Variants in DPYD observed in about 807,000 individuals in gnomAD.
DPYD encodes dihydropyrimidine dehydrogenase.
In DPYD, 109 loss-of-function variants were observed where a neutral mutation model predicts 116.2. The ratio of observed to expected loss-of-function variants is 0.94; its 90% CI spans 0.80 to 1.10. DPYD has a LOEUF of 1.10. DPYD is among the 50% of genes least tolerant of loss of function. DPYD has a pLI of 0.00. For missense variants in DPYD, 1,302 were observed against 1,254.5 expected (o/e 1.04, Z -0.57); for synonymous variants, 440 against 432.0 (o/e 1.02, Z -0.23).
chr1:97,856,331 T>C (rs1354579621), intron 2 of DPYD: 1 of 152,050 alleles, frequency 6.6e-6, no homozygotes. Flanking sequence ...TAGAGGAGAA[T>C]CTTCCCAAGG....
intron 3 of DPYD, among the ~76,000 whole-genome samples, chr1:97,781,659 C>G (rs1571347234): frequency 6.6e-6 from 1 of 152,084 alleles, no homozygotes; most frequent in African/African-American, 2.4e-5. Context: ...TGAGAGTATC[C>G]ATGAACACAC....
chr1:97,405,332 T>G (rs1673597494), intron 14 of DPYD, among the ~76,000 whole-genome samples: 1 of 152,074 alleles, frequency 6.6e-6, no homozygotes, highest in Non-Finnish European at 1.5e-5. Context: ...TAGTTTTCCT[T>G]CTCTTGAAAA....
chr1:97,913,685 G>T (rs769800522), intron 1 of DPYD, among the ~76,000 whole-genome samples: 2 of 152,090 alleles, frequency 1.3e-5, no homozygotes, highest in African/African-American at 2.4e-5. Flanking sequence ...CAGTCTTAAA[G>T]AATTTCATAA....
At chr1:97,905,239 A>G (rs1057320810) in intron 1 of DPYD, among the ~76,000 whole-genome samples, 6 of 152,046 alleles carry the variant, frequency 3.9e-5, no homozygotes, top group Non-Finnish European at 8.8e-5. Context: ...AAAATTATAC[A>G]GGACTAAAGA....
At chr1:97,501,900 T>C (rs1010549553) in intron 13 of DPYD, among the ~76,000 whole-genome samples, 3 of 152,068 alleles carry the variant, frequency 2.0e-5, no homozygotes, top group African/African-American at 7.2e-5. Flanking sequence ...ACATTAATTT[T>C]ACATAGAAAA....
At chr1:97,511,066 G>A (rs1351957910) in intron 13 of DPYD, among the ~76,000 whole-genome samples, 1 of 151,872 alleles carries the variant, frequency 6.6e-6, no homozygotes, top group South Asian at 2.1e-4. Context: ...AACTGTAAAT[G>A]CATGATTGAG....
chr1:97,426,880 T>C (rs1674897457), intron 14 of DPYD, among the ~76,000 whole-genome samples: 1 of 152,058 alleles, frequency 6.6e-6, no homozygotes, highest in South Asian at 2.1e-4. Context: ...TAGAGAATAT[T>C]AACCTTAAGC....
At chr1:97,148,010 G>C (rs1351320803) in intron 20 of DPYD, among the ~76,000 whole-genome samples, 1 of 152,080 alleles carries the variant, frequency 6.6e-6, no homozygotes, top group African/African-American at 2.4e-5. Context: ...TAAGTGCAAG[G>C]CAAACCAGAT....
intron 10 of DPYD, among the ~76,000 whole-genome samples, chr1:97,576,590 T>C (rs1251675112): frequency 6.6e-6 from 1 of 152,244 alleles, no homozygotes; most frequent in Non-Finnish European, 1.5e-5. Flanking sequence ...AATCACTGAA[T>C]GCCTAAGCAT....
chr1:97,707,657 C>T (rs1662054618), intron 5 of DPYD, among the ~76,000 whole-genome samples: 1 of 151,912 alleles, frequency 6.6e-6, no homozygotes, highest in South Asian at 2.1e-4. Flanking sequence ...TATAAGCCAT[C>T]CAGTTTATGG....
chr1:97,503,434 CT>C lies in DPYD; in HGVS notation c.1740+12291del, dbSNP rs542433381. On this transcript the variant is annotated intron_variant, in intron 13 of 22. Coordinates refer to ENST00000370192, the MANE Select transcript of DPYD (RefSeq NM_000110.4). ...GAATGAATCCACTCCTGGATTTTCA[CT>C]GCAGCCATGCTTCCTGTGGCTTAGC... Among the ~76,000 whole-genome samples, 630 of 152,132 alleles carry C rather than the reference CT, an allele frequency of 4.1e-3. 3 individuals carry two copies. Among genetic ancestry groups the C allele is most frequent in the Middle Eastern group, 0.02 (6 of 294 alleles).
intron 10 of DPYD, among the ~76,000 whole-genome samples, chr1:97,580,954 G>C (rs1653618254): frequency 6.6e-6 from 1 of 152,062 alleles, no homozygotes; most frequent in African/African-American, 2.4e-5. Context: ...GGGATAAAAA[G>C]TGTCATCAGA....
At position 97,590,627 on chromosome 1, in the gene DPYD, C is replaced by A. The variant is rs546053967; in HGVS notation, c.1128+2591G>T. Among the ~76,000 whole-genome samples the A allele has an allele frequency of 1.7e-3, 251 of 152,108 alleles. 1 individual carries two copies. The highest frequency in any genetic ancestry group is 5.9e-3 in the African/African-American group (246 of 41,510). On this transcript the variant is annotated intron_variant, in intron 10 of 22. Coordinates refer to ENST00000370192, the MANE Select transcript of DPYD (RefSeq NM_000110.4). Reference sequence around the variant, plus strand: ...CTTCTAGTTTTAATTAAGACCAGACCCATTTGAGTTCTACTAAGCTCTACT... The same window carrying A: ...CTTCTAGTTTTAATTAAGACCAGACACATTTGAGTTCTACTAAGCTCTACT...
intron 11 of DPYD, among the ~76,000 whole-genome samples, chr1:97,558,639 C>T (rs973722247): frequency 6.6e-6 from 1 of 151,934 alleles, no homozygotes; most frequent in Non-Finnish European, 1.5e-5. Flanking sequence ...TCTCCCTCAC[C>T]CTATTCAGGA....
chr1:97,736,325 A>G (rs1663938313), intron 4 of DPYD, among the ~76,000 whole-genome samples: 1 of 151,968 alleles, frequency 6.6e-6, no homozygotes. Flanking sequence ...TGAATTCTAT[A>G]ATTAGTGAAA....
At chr1:97,543,443 C>T (rs1021107738) in intron 12 of DPYD, among the ~76,000 whole-genome samples, 3 of 152,172 alleles carry the variant, frequency 2.0e-5, no homozygotes, top group African/African-American at 7.2e-5. Context: ...CAAACAATCA[C>T]ATTTATCTGA....
chr1:97,835,150 A>G (rs576222205), intron 2 of DPYD, among the ~76,000 whole-genome samples: 1 of 152,198 alleles, frequency 6.6e-6, no homozygotes, highest in East Asian at 1.9e-4. Context: ...AATATAATGC[A>G]GTAGGAGAGG....
rs373016405 is a variant in DPYD, at chr1:97,582,960, A to AT, written c.1129-8991dup. 7.9e-3 allele frequency among the ~76,000 whole-genome samples: 1,195 copies of AT among 152,070 alleles called. 38 individuals carry two copies. The South Asian group carries it at 0.096, about 12-fold the overall frequency. Reference sequence around the variant, plus strand: ...ATCTCTTTTAACAAGTAAAGGGTTGATTTTTTGTTGTTGTTGTTTGTTTTT... The same window carrying AT: ...ATCTCTTTTAACAAGTAAAGGGTTGATTTTTTTGTTGTTGTTGTTTGTTTTT... On this transcript the variant is annotated intron_variant, in intron 10 of 22. Coordinates refer to ENST00000370192, the MANE Select transcript of DPYD (RefSeq NM_000110.4).
At chr1:97,138,751 A>G (rs1427351203) in intron 20 of DPYD, among the ~76,000 whole-genome samples, 1 of 152,208 alleles carries the variant, frequency 6.6e-6, no homozygotes, top group Non-Finnish European at 1.5e-5. Context: ...AGCTTAGTTA[A>G]TTGGGAGTCT....
Sources: allele counts gnomAD v4.1 joint callset (sites outside exome capture counted in the v4.1 genomes callset), GRCh38; gene constraint gnomAD v4.1.1; transcripts MANE v1.5; gene names NCBI Gene and HGNC (gene_info 2026-07-23, HGNC 2026-07-21).